The following SLC2A13 variants were observed in gnomAD, a reference collection of about 807,000 sequenced individuals.
The protein encoded by SLC2A13 is solute carrier family 2 member 13.
A neutral mutation model predicts 64.4 loss-of-function variants in SLC2A13; 32 were observed. The observed-to-expected ratio is 0.50, with a 90% CI of 0.37 to 0.67. SLC2A13 has a LOEUF of 0.67. SLC2A13 is among the 30% of genes least tolerant of loss of function. The pLI, the probability that SLC2A13 is intolerant of heterozygous loss-of-function variation, is 0.00. For missense variants in SLC2A13, 743 were observed against 829.2 expected, an observed-to-expected ratio of 0.90 and a Z score of 1.28; for synonymous variants, 338 against 327.1, an observed-to-expected ratio of 1.03 and a Z score of -0.36.
chr12:39,801,352 A>G (rs964483566), intron 7 of SLC2A13, among the ~76,000 whole-genome samples: 32 of 151,294 alleles, frequency 2.1e-4, no homozygotes, highest in African/African-American at 6.0e-4. Context: ...AAAAAAAAAA[A>G]AAAAAAAAGA....
chr12:40,000,343 A>T (rs1947302835), intron 3 of SLC2A13, among the ~76,000 whole-genome samples: 1 of 152,264 alleles, frequency 6.6e-6, no homozygotes. Flanking sequence ...TACAGGCTGT[A>T]ACAGGCTATA....
At chr12:40,054,289 A>G (rs1948302922) in intron 1 of SLC2A13, among the ~76,000 whole-genome samples, 1 of 152,154 alleles carries the variant, frequency 6.6e-6, no homozygotes, top group Admixed American at 6.5e-5. Flanking sequence ...AATATGATTT[A>G]AATATTTAAA....
At chr12:39,923,694 G>GCACACA (rs200530373) in intron 4 of SLC2A13, among the ~76,000 whole-genome samples, 40,154 of 137,022 alleles carry the variant, frequency 0.29, 6,021 homozygotes, top group Admixed American at 0.41. Flanking sequence ...ATATGCGCAC[G>GCACACA]CGCACACACA....
intron 6 of SLC2A13, among the ~76,000 whole-genome samples, chr12:39,831,902 C>A (rs984762305): frequency 6.6e-6 from 1 of 152,092 alleles, no homozygotes; most frequent in Admixed American, 6.6e-5. Flanking sequence ...AACGATGAGC[C>A]AATTAATCCT....
At chr12:40,093,127 GGA>G (rs1025864156) in intron 1 of SLC2A13, among the ~76,000 whole-genome samples, 2 of 152,162 alleles carry the variant, frequency 1.3e-5, no homozygotes, top group African/African-American at 4.8e-5. Flanking sequence ...CTAGATACAT[GGA>G]GAGACTCATT....
At chr12:39,920,243 T>C (rs1446837771) in intron 4 of SLC2A13, among the ~76,000 whole-genome samples, 1 of 152,154 alleles carries the variant, frequency 6.6e-6, no homozygotes, top group African/African-American at 2.4e-5. Context: ...GAATCAGCCA[T>C]ACCCTAAATA....
intron 4 of SLC2A13, among the ~76,000 whole-genome samples, chr12:39,874,175 C>T (rs1298653513): frequency 1.3e-5 from 2 of 152,144 alleles, no homozygotes; most frequent in African/African-American, 4.8e-5. Context: ...TAGGGTTGTG[C>T]CTTGTCATAG....
intron 3 of SLC2A13, among the ~76,000 whole-genome samples, chr12:39,981,773 C>G (rs1206266677): frequency 7.1e-6 from 1 of 141,550 alleles, no homozygotes; most frequent in African/African-American, 2.6e-5. Context: ...ACCATTCCTT[C>G]TGAAACTATT....
rs1940032316 is a variant in SLC2A13, at chr12:39,758,594, T to G, written c.*1432A>C. On this transcript the variant is annotated 3_prime_UTR_variant, in exon 10 of 10. Transcript: ENST00000280871. The stretch of plus-strand genomic sequence containing the variant: ...ATAGTTCTTAATAGAAAAGCAAAAA[T>G]TAAGAGTTCAGTGATGAATTACCAT... 1 of 151,930 alleles carries G rather than the reference T, an allele frequency of 6.6e-6. No homozygotes were observed. The highest frequency in any genetic ancestry group is 2.4e-5 in the African/African-American group (1 of 41,392). 9.4% of individuals were successfully genotyped at this position (151,930 alleles called of 1,614,324 possible).
At chr12:39,803,927 A>G (rs1941885357) in intron 7 of SLC2A13, among the ~76,000 whole-genome samples, 1 of 152,170 alleles carries the variant, frequency 6.6e-6, no homozygotes, top group East Asian at 1.9e-4. Flanking sequence ...ACCTCTATCA[A>G]GATACATCAG....
rs1052275917 is a variant in SLC2A13 at position 39,830,111 on chromosome 12, G to T, written c.1437C>A (p.Ala479=). 4.3e-6 allele frequency: 7 copies of T among 1,613,598 alleles called. No individual in the cohort carries two copies. The highest frequency in any genetic ancestry group is 1.3e-5 in the African/African-American group (1 of 74,992). Reference sequence around the variant, plus strand: ...TAAAATGAGTGATATACCTGCCCCAGGCTGCCTCATTTGTAGATGCTTTAT... The same window carrying T: ...TAAAATGAGTGATATACCTGCCCCATGCTGCCTCATTTGTAGATGCTTTAT... The part of the protein sequence containing the change: ...PVNKASTNEA[A]WGRCENETKF... The change falls in exon 7 of 10, where the codon GCC becomes GCA. Residue 479 remains alanine, a synonymous_variant. Transcript: ENST00000280871.
chr12:40,052,180 T>A (rs747327900), intron 1 of SLC2A13, among the ~76,000 whole-genome samples: 8 of 152,012 alleles, frequency 5.3e-5, no homozygotes, highest in Non-Finnish European at 1.0e-4. Context: ...AGGTCATAGA[T>A]GGAATTGAGT....
At chr12:40,093,651 A>G (rs1029705991) in intron 1 of SLC2A13, among the ~76,000 whole-genome samples, 5 of 152,088 alleles carry the variant, frequency 3.3e-5, no homozygotes, top group Non-Finnish European at 2.9e-5. Context: ...AGGAAACACA[A>G]GAGAGAAAGG....
At chr12:39,850,005 T>A (rs1292632712) in intron 6 of SLC2A13, among the ~76,000 whole-genome samples, 4 of 152,182 alleles carry the variant, frequency 2.6e-5, no homozygotes, top group Admixed American at 6.5e-5. Flanking sequence ...TTTCCTCATT[T>A]TTCTTGAAAA....
intron 1 of SLC2A13, among the ~76,000 whole-genome samples, chr12:40,054,121 A>G (rs1166742149): frequency 1.3e-5 from 2 of 152,208 alleles, no homozygotes. Flanking sequence ...TAAATGAGCA[A>G]AAATTTCTCC....
At chr12:39,835,949 T>G (rs1462065555) in intron 6 of SLC2A13, among the ~76,000 whole-genome samples, 1 of 152,126 alleles carries the variant, frequency 6.6e-6, no homozygotes, top group Non-Finnish European at 1.5e-5. Context: ...AATTGCCACG[T>G]GGTGAAAGCC....
chr12:39,845,319 T>C (rs1943278068), intron 6 of SLC2A13, among the ~76,000 whole-genome samples: 1 of 152,126 alleles, frequency 6.6e-6, no homozygotes, highest in Non-Finnish European at 1.5e-5. Context: ...CTGTATCTGT[T>C]ACCCAAGTAT....
chr12:40,018,946 A>G (rs1274038817), intron 3 of SLC2A13, among the ~76,000 whole-genome samples: 1 of 152,228 alleles, frequency 6.6e-6, no homozygotes, highest in East Asian at 1.9e-4. Flanking sequence ...CTGGAAAGAT[A>G]CATTCAAACA....
intron 7 of SLC2A13, among the ~76,000 whole-genome samples, chr12:39,810,539 C>T (rs1379025053): frequency 6.6e-6 from 1 of 152,102 alleles, no homozygotes; most frequent in African/African-American, 2.4e-5. Flanking sequence ...TAAGAGTAGA[C>T]ATTCTCACCT....
Sources: allele counts gnomAD v4.1 joint callset (sites outside exome capture counted in the v4.1 genomes callset), GRCh38; gene constraint gnomAD v4.1.1; transcripts MANE v1.5; gene names NCBI Gene and HGNC (gene_info 2026-07-23, HGNC 2026-07-21).